TASOR: variants seen among roughly 807,000 people sequenced by gnomAD.
TASOR encodes protein TASOR.
Under a neutral mutation model 178.6 loss-of-function variants are expected in TASOR, and 53 were observed. That is an observed-to-expected ratio of 0.30 (90% CI 0.24 to 0.37). The LOEUF (loss-of-function observed/expected upper bound fraction) is 0.37. Ranked by LOEUF, TASOR falls within the 10% of genes least tolerant of loss-of-function variation. The pLI, the probability that TASOR is intolerant of heterozygous loss-of-function variation, is 1.00. For missense variants in TASOR, 1,815 were observed against 1,971.4 expected (o/e 0.92, Z 1.50); for synonymous variants, 713 against 696.2 (o/e 1.02, Z -0.38).
At chr3:56,682,564 C>G in intron 1 of TASOR, 112 bp downstream of exon 1, 1 of 1,022,698 alleles carries the variant, frequency 9.8e-7, no homozygotes. Flanking sequence ...GCGGCCGGCG[C>G]TGCATGCGTG....
intron 8 of TASOR, 66 bp downstream of exon 8, chr3:56,663,475 C>T (rs2077642983): frequency 4.4e-6 from 4 of 901,542 alleles, no homozygotes; most frequent in East Asian, 4.9e-5. Context: ...ATACAAAGCA[C>T]TTAATCTTTT....
At chr3:56,673,851 T>C in intron 1 of TASOR, 126 bp from the exon 2 acceptor site, 1 of 780,198 alleles carries the variant, frequency 1.3e-6, no homozygotes, top group Non-Finnish European at 2.0e-6. Context: ...TATCTTACTT[T>C]GTGATACGCA....
chr3:56,682,764 G>A lies in TASOR; in HGVS notation c.243C>T (p.Gly81=), dbSNP rs2031920659. ...HEQPQDSSEA[G]AAALPRGPEE... is the part of the protein sequence containing the mutation. Reference sequence around the variant, plus strand: ...CGGGGCCTCTGGGCAGGGCGGCCGCGCCCGCCTCAGAGGAGTCCTGAGGCT... The same window carrying A: ...CGGGGCCTCTGGGCAGGGCGGCCGCACCCGCCTCAGAGGAGTCCTGAGGCT... The change falls in exon 1 of 24, where the codon GGC becomes GGT. Residue 81 remains glycine, a synonymous_variant. Transcript: ENST00000683822. The A allele has an allele frequency of 8.4e-6, 13 of 1,540,306 alleles. No homozygotes were observed. The highest frequency in any genetic ancestry group is 1.1e-5 in the Non-Finnish European group (13 of 1,141,030).
At chr3:56,659,210 C>T (rs183430046) in intron 11 of TASOR, among the ~76,000 whole-genome samples, 2 of 152,198 alleles carry the variant, frequency 1.3e-5, no homozygotes, top group East Asian at 1.9e-4. Flanking sequence ...GACTGCCATT[C>T]GACTACCTGG....
rs934328936 is a variant in TASOR, at chr3:56,666,113, T to C, written c.1022+147A>G. ...CTTCACACCGACCATTTAAAAGTCA[T>C]TGTAAACACTTCAGTCTCCAACCAA... is the stretch of plus-strand genomic sequence containing the variant. On this transcript the variant is annotated intron_variant, in intron 7 of 23. Transcript: ENST00000683822. 11 of 501,324 alleles carry C rather than the reference T, an allele frequency of 2.2e-5. No individual in the cohort carries two copies. The East Asian group carries it at 3.2e-4, about 14-fold the overall frequency. The allele number at this position is 501,324 out of a possible 1,614,324, so 31.1% of individuals were successfully genotyped here. A position where few individuals can be genotyped will look rare whatever the true frequency, so the allele number is the denominator to read the frequency against.
chr3:56,631,987 A>G (rs1012336579), intron 18 of TASOR, among the ~76,000 whole-genome samples: 1 of 152,156 alleles, frequency 6.6e-6, no homozygotes, highest in Non-Finnish European at 1.5e-5. Context: ...GGAGTCTTTC[A>G]AGATTATCAA....
chr3:56,667,959 A>C (rs554462270), intron 6 of TASOR, among the ~76,000 whole-genome samples: 14 of 152,356 alleles, frequency 9.2e-5, no homozygotes, highest in African/African-American at 3.4e-4. Context: ...GATAGAAAAT[A>C]CCTATCAAAT....
intron 9 of TASOR, among the ~76,000 whole-genome samples, chr3:56,661,514 C>T (rs1045099669): frequency 1.3e-5 from 2 of 152,124 alleles, no homozygotes; most frequent in African/African-American, 4.8e-5. Context: ...GCTAGCCAGG[C>T]AATATTTCCA....
At chr3:56,655,991 CTAATT>C (rs1483182758) in intron 11 of TASOR, among the ~76,000 whole-genome samples, 2 of 152,278 alleles carry the variant, frequency 1.3e-5, no homozygotes, top group African/African-American at 2.4e-5. Context: ...CTACTGAAAA[CTAATT>C]TAAAACTTAT....
At chr3:56,639,243 T>C (rs1470051713) in intron 16 of TASOR, among the ~76,000 whole-genome samples, 1 of 152,192 alleles carries the variant, frequency 6.6e-6, no homozygotes, top group Non-Finnish European at 1.5e-5. Flanking sequence ...TTGTTTGCTG[T>C]TGCTATTGTT....
intron 11 of TASOR, among the ~76,000 whole-genome samples, chr3:56,652,671 C>T (rs1019657605): frequency 5.3e-5 from 8 of 152,082 alleles, no homozygotes; most frequent in Non-Finnish European, 1.2e-4. Flanking sequence ...TAGAACTCTG[C>T]CTGGCGTATG....
At chr3:56,673,433 C>CAAA (rs5849162) in intron 2 of TASOR, 147 bp downstream of exon 2, 1,480 of 194,060 alleles carry the variant, frequency 7.6e-3, no homozygotes, top group Non-Finnish European at 9.8e-3. Flanking sequence ...ACTCCGTCTC[C>CAAA]AAAAAAAAAA....
intron 18 of TASOR, among the ~76,000 whole-genome samples, chr3:56,631,584 G>GGT (rs1229902728): frequency 8.8e-5 from 10 of 113,436 alleles, no homozygotes; most frequent in African/African-American, 3.6e-4. Flanking sequence ...GTGTTTTTTT[G>GGT]TTTTTTTTTT....
intron 20 of TASOR, 152 bp downstream of exon 20, chr3:56,627,430 C>CT: frequency 2.3e-6 from 2 of 868,784 alleles, no homozygotes; most frequent in South Asian, 3.2e-5. Context: ...TATTATTGGT[C>CT]TAAGAGAAGG....
chr3:56,659,082 T>C (rs2077538482), intron 11 of TASOR, among the ~76,000 whole-genome samples: 1 of 152,122 alleles, frequency 6.6e-6, no homozygotes, highest in South Asian at 2.1e-4. Flanking sequence ...AAGTTTTATG[T>C]CAATCTGACT....
intron 11 of TASOR, among the ~76,000 whole-genome samples, chr3:56,659,206 C>T (rs2077541142): frequency 6.6e-6 from 1 of 152,110 alleles, no homozygotes; most frequent in African/African-American, 2.4e-5. Context: ...ATTTGACTGC[C>T]ATTCGACTAC....
In TASOR at chr3:56,635,987, A is replaced by C. The variant is rs985540773; in HGVS notation, c.2825-2021T>G. Among the ~76,000 whole-genome samples, 25 of 152,332 alleles carry C rather than the reference A, an allele frequency of 1.6e-4. 1 individual carries two copies. In the East Asian group the frequency reaches 4.2e-3, roughly 26 times the overall value. ...ATCACAACCTAATTTTATTTTGCAC[A>C]AATTTCCCTGTATGATTTTATTAAG... is the stretch of plus-strand genomic sequence containing the variant. On this transcript the variant is annotated intron_variant, in intron 17 of 23. Transcript: ENST00000683822.
At chr3:56,666,657 T>G (rs34558590) in intron 6 of TASOR, among the ~76,000 whole-genome samples, 3,298 of 152,204 alleles carry the variant, frequency 0.022, 66 homozygotes, top group Non-Finnish European at 0.036. Context: ...AGTTTCCTAA[T>G]AAAAATATTA....
intron 5 of TASOR, 39 bp downstream of exon 5, chr3:56,669,661 T>C (rs959213157): frequency 5.9e-5 from 73 of 1,243,462 alleles, no homozygotes; most frequent in Non-Finnish European, 7.7e-5. Context: ...CCAAATCAAG[T>C]GTAGTTTTTC....
Sources: allele counts gnomAD v4.1 joint callset (sites outside exome capture counted in the v4.1 genomes callset), GRCh38; gene constraint gnomAD v4.1.1; transcripts MANE v1.5; gene names NCBI Gene and HGNC (gene_info 2026-07-23, HGNC 2026-07-21).